Variants in RORA observed in about 807,000 individuals in gnomAD.
The protein encoded by RORA is RAR related orphan receptor A, also known as nuclear receptor ROR-alpha.
In RORA, 7 loss-of-function variants were observed where a neutral mutation model predicts 69.5. The observed-to-expected ratio is 0.10, with a 90% CI of 0.06 to 0.19. The LOEUF is 0.19. RORA is among the 10% of genes least tolerant of loss of function. The pLI is 1.00. For missense variants in RORA, 457 were observed against 663.0 expected (o/e 0.69, Z 3.41); for synonymous variants, 261 against 240.8 (o/e 1.08, Z -0.78).
intron 1 of RORA, among the ~76,000 whole-genome samples, chr15:60,910,101 T>C (rs11855147): frequency 0.056 from 8,511 of 152,216 alleles, 618 homozygotes; most frequent in African/African-American, 0.16. Context: ...AAGCAAGTGG[T>C]GTTTTTGTCC....
intron 1 of RORA, among the ~76,000 whole-genome samples, chr15:61,185,297 C>T (rs534780729): frequency 4.6e-5 from 7 of 152,180 alleles, no homozygotes; most frequent in Middle Eastern, 3.4e-3. Context: ...GCCTCCAGAC[C>T]TGTTGATCCC....
At chr15:61,005,992 A>T (rs768989392) in intron 1 of RORA, among the ~76,000 whole-genome samples, 3 of 151,736 alleles carry the variant, frequency 2.0e-5, no homozygotes, top group African/African-American at 7.3e-5. Flanking sequence ...TTTTTTGAGA[A>T]GGAGTCTCGC....
intron 1 of RORA, among the ~76,000 whole-genome samples, chr15:60,961,817 T>C (rs896334104): frequency 3.3e-5 from 5 of 152,330 alleles, no homozygotes; most frequent in Admixed American, 3.3e-4. Flanking sequence ...TAGCTGAATG[T>C]AGGCACAAAG....
intron 2 of RORA, among the ~76,000 whole-genome samples, chr15:60,646,008 G>A (rs966398127): frequency 1.1e-4 from 17 of 152,152 alleles, no homozygotes; most frequent in South Asian, 4.1e-4. Flanking sequence ...GGCCTCGCCC[G>A]TATGCTCTGA....
intron 1 of RORA, among the ~76,000 whole-genome samples, chr15:60,766,937 G>C (rs867133602): frequency 6.6e-6 from 1 of 152,150 alleles, no homozygotes; most frequent in African/African-American, 2.4e-5. Context: ...CACTAGCCCT[G>C]TAAGAGCCTG....
intron 1 of RORA, among the ~76,000 whole-genome samples, chr15:60,692,192 TG>T (rs2070837556): frequency 6.6e-6 from 1 of 152,248 alleles, no homozygotes; most frequent in South Asian, 2.1e-4. Flanking sequence ...AATAGTAGTT[TG>T]GCAAAACTGT....
At chr15:61,193,087 A>C (rs893162152) in intron 1 of RORA, among the ~76,000 whole-genome samples, 1 of 140,852 alleles carries the variant, frequency 7.1e-6, no homozygotes, top group Non-Finnish European at 1.6e-5. Context: ...ATATCTTTCA[A>C]ACTCCCAATA....
intron 1 of RORA, among the ~76,000 whole-genome samples, chr15:60,709,953 G>A (rs1437616809): frequency 6.6e-6 from 1 of 152,118 alleles, no homozygotes; most frequent in Non-Finnish European, 1.5e-5. Flanking sequence ...TATGCCACAT[G>A]TGAGGCAGTG....
chr15:60,812,781 A>C (rs1209730073), intron 1 of RORA, among the ~76,000 whole-genome samples: 1 of 152,238 alleles, frequency 6.6e-6, no homozygotes, highest in East Asian at 1.9e-4. Context: ...GCAGAAATAC[A>C]GAAAGTCAGG....
intron 1 of RORA, among the ~76,000 whole-genome samples, chr15:61,149,233 A>T (rs2079376858): frequency 6.6e-6 from 1 of 152,134 alleles, no homozygotes; most frequent in Admixed American, 6.5e-5. Flanking sequence ...GTGTTACTGA[A>T]GGTCTGCAGA....
rs925715667 is a variant in RORA at position 61,192,946 on chromosome 15, T to C, written c.166+36107A>G. Reference sequence around the variant, plus strand: ...TCAACAGAACAGTGTTTGCACATACTAGTTGTTGCTATTCCTATTATCTTA... The same window carrying C: ...TCAACAGAACAGTGTTTGCACATACCAGTTGTTGCTATTCCTATTATCTTA... On this transcript the variant is annotated intron_variant, in intron 1 of 10. Transcript: ENST00000335670. Among the ~76,000 whole-genome samples, 10 of 152,268 alleles carry C rather than the reference T, an allele frequency of 6.6e-5. No individual in the cohort carries two copies. The South Asian group carries it at 2.1e-3, about 32-fold the overall frequency.
At chr15:60,628,825 C>T (rs918699513) in intron 2 of RORA, among the ~76,000 whole-genome samples, 42 of 152,078 alleles carry the variant, frequency 2.8e-4, no homozygotes, top group Non-Finnish European at 1.6e-4. Context: ...GTAAGGAGAA[C>T]CCAGAGAATG....
chr15:60,661,761 A>G (rs944206421), intron 2 of RORA, among the ~76,000 whole-genome samples: 1 of 152,214 alleles, frequency 6.6e-6, no homozygotes, highest in Non-Finnish European at 1.5e-5. Context: ...AGAGGTTCAG[A>G]TATTTTTCTG....
At chr15:61,177,392 G>A (rs372288659) in intron 1 of RORA, among the ~76,000 whole-genome samples, 3 of 152,106 alleles carry the variant, frequency 2.0e-5, no homozygotes, top group African/African-American at 4.8e-5. Context: ...TCAGTGGTCT[G>A]CACACTCCAG....
intron 1 of RORA, among the ~76,000 whole-genome samples, chr15:61,056,604 C>T (rs1566967094): frequency 1.3e-5 from 2 of 152,276 alleles, no homozygotes; most frequent in East Asian, 3.9e-4. Flanking sequence ...GACCATCCTT[C>T]AATCTGGTGT....
intron 1 of RORA, among the ~76,000 whole-genome samples, chr15:60,697,348 G>C (rs2070919847): frequency 6.6e-6 from 1 of 152,108 alleles, no homozygotes; most frequent in Non-Finnish European, 1.5e-5. Context: ...TTTTTCAAAA[G>C]CCACAAGCCT....
intron 1 of RORA, among the ~76,000 whole-genome samples, chr15:61,151,274 G>A (rs1251838006): frequency 6.6e-6 from 1 of 152,176 alleles, no homozygotes; most frequent in Non-Finnish European, 1.5e-5. Flanking sequence ...AGGCAATAGA[G>A]CCAGGCCTAC....
chr15:60,658,397 G>A (rs1208067035), intron 2 of RORA, among the ~76,000 whole-genome samples: 1 of 152,154 alleles, frequency 6.6e-6, no homozygotes, highest in Non-Finnish European at 1.5e-5. Context: ...ATAGTAGGAG[G>A]TCAGGGAGAT....
intron 1 of RORA, among the ~76,000 whole-genome samples, chr15:61,085,654 G>A (rs1445499050): frequency 1.3e-5 from 2 of 152,162 alleles, no homozygotes; most frequent in African/African-American, 4.8e-5. Flanking sequence ...ACATCCCACT[G>A]CTCTATTCCC....
Sources: gnomAD v4.1 joint callset for allele counts (sites outside exome capture counted in the v4.1 genomes callset) on GRCh38, gnomAD v4.1.1 for gene constraint, MANE v1.5 for transcripts, NCBI Gene and HGNC (gene_info 2026-07-23, HGNC 2026-07-21) for gene names.